Variants in KMT2E observed in about 807,000 individuals in gnomAD.
The protein encoded by KMT2E is lysine methyltransferase 2E (inactive).
A neutral mutation model predicts 184.6 loss-of-function variants in KMT2E; 30 were observed. The observed-to-expected ratio is 0.16, with a 90% CI of 0.12 to 0.22. The LOEUF (loss-of-function observed/expected upper bound fraction) is 0.22, where lower values mean the gene tolerates loss of function less well. Ranked by LOEUF, KMT2E falls within the 10% of genes least tolerant of loss-of-function variation. The pLI is 1.00. For synonymous variants in KMT2E, 815 were observed against 776.5 expected (o/e 1.05, Z -0.82); for missense variants, 2,023 against 2,237.4 (o/e 0.90, Z 1.93).
chr7:105,110,661 A>G, intron 25 of KMT2E, 59 bp downstream of exon 25: 1 of 1,608,422 alleles, frequency 6.2e-7, no homozygotes, highest in Non-Finnish European at 8.5e-7. Flanking sequence ...CAGACAAGAG[A>G]GCCTTTATAA....
chr7:105,090,611 C>T (rs1166978058), intron 14 of KMT2E, among the ~76,000 whole-genome samples: 1 of 152,148 alleles, frequency 6.6e-6, no homozygotes, highest in East Asian at 1.9e-4. Flanking sequence ...TTTCTTTAAA[C>T]ATGTGGATGC....
chr7:105,085,047 T>G (rs1797908335), intron 13 of KMT2E, among the ~76,000 whole-genome samples: 1 of 151,550 alleles, frequency 6.6e-6, no homozygotes, highest in African/African-American at 2.4e-5. Flanking sequence ...TTTTTCTTTT[T>G]TTTTTAATAT....
At chr7:105,023,271 G>A (rs1044734892) in intron 1 of KMT2E, among the ~76,000 whole-genome samples, 1 of 151,654 alleles carries the variant, frequency 6.6e-6, no homozygotes, top group African/African-American at 2.4e-5. Flanking sequence ...GCGTGGTGGC[G>A]GGCCCCTGTA....
chr7:105,043,871 G>A (rs750200875), intron 3 of KMT2E, among the ~76,000 whole-genome samples: 2 of 152,080 alleles, frequency 1.3e-5, no homozygotes, highest in Admixed American at 6.5e-5. Flanking sequence ...CAGGCAGATC[G>A]CTTGAGCCCA....
intron 3 of KMT2E, among the ~76,000 whole-genome samples, chr7:105,057,585 A>G (rs988357187): frequency 7.2e-5 from 11 of 151,980 alleles, no homozygotes; most frequent in Non-Finnish European, 7.4e-5. Flanking sequence ...GCTGAAGCCT[A>G]GGACTATAGG....
intron 3 of KMT2E, among the ~76,000 whole-genome samples, chr7:105,059,504 A>G (rs918609715): frequency 6.6e-6 from 1 of 152,246 alleles, no homozygotes; most frequent in Non-Finnish European, 1.5e-5. Flanking sequence ...CTCATGTTAT[A>G]GAAATACTAC....
chr7:105,102,453 CTACTT>C (rs1420703484), intron 17 of KMT2E: 7 of 293,932 alleles, frequency 2.4e-5, no homozygotes, highest in East Asian at 1.6e-4. Context: ...ATAAGTTTGT[CTACTT>C]TATGTACAAA....
At chr7:105,021,357 G>A (rs190581067) in intron 1 of KMT2E, among the ~76,000 whole-genome samples, 63 of 152,328 alleles carry the variant, frequency 4.1e-4, no homozygotes, top group African/African-American at 1.3e-3. Context: ...AATTTGAGTA[G>A]CTATTATTTT....
rs539835832 is a variant in KMT2E at position 105,049,278 on chromosome 7, G to T, written c.71+8255G>T. Among the ~76,000 whole-genome samples, 7 of 151,806 alleles carry T rather than the reference G, an allele frequency of 4.6e-5. No individual in the cohort carries two copies. In the South Asian group the frequency reaches 1.5e-3, roughly 32 times the overall value. On this transcript the variant is annotated intron_variant, in intron 3 of 26. Transcript: ENST00000311117. ...TTGGCAACATGATGAAACCCCATCTGTACAAAAAAAATACCATAGTTAGCC... is the reference window on the plus strand; with the variant it reads ...TTGGCAACATGATGAAACCCCATCTTTACAAAAAAAATACCATAGTTAGCC...
chr7:105,062,457 C>T (rs140612908), intron 4 of KMT2E, among the ~76,000 whole-genome samples, 179 bp downstream of exon 4: 119 of 152,178 alleles, frequency 7.8e-4, no homozygotes, highest in African/African-American at 2.6e-3. Flanking sequence ...TAAAAGTGAA[C>T]TGTTTCTCTT....
At chr7:105,088,428 T>C (rs555738694) in intron 13 of KMT2E, among the ~76,000 whole-genome samples, 6 of 152,310 alleles carry the variant, frequency 3.9e-5, no homozygotes, top group African/African-American at 1.4e-4. Flanking sequence ...AATTAGGAAG[T>C]TGGATTTGAA....
intron 22 of KMT2E, 48 bp downstream of exon 22, chr7:105,107,973 T>TTTTCATAA: frequency 7.4e-7 from 1 of 1,344,930 alleles, no homozygotes; most frequent in Non-Finnish European, 1.0e-6. Flanking sequence ...TTTTTTTTTT[T>TTTTCATAA]TTCATAATAC....
chr7:105,041,157 AGCG>A, intron 3 of KMT2E, 134 bp downstream of exon 3: 1 of 578,246 alleles, frequency 1.7e-6, no homozygotes, highest in Non-Finnish European at 3.0e-6. Flanking sequence ...AAAAAAAAAA[AGCG>A]AAGTTACCTT....
chr7:105,085,539 A>G (rs1797928164), intron 13 of KMT2E, among the ~76,000 whole-genome samples: 1 of 142,826 alleles, frequency 7.0e-6, no homozygotes, highest in Non-Finnish European at 1.6e-5. Context: ...CAATAGCAAA[A>G]CATCTCAAAA....
intron 15 of KMT2E, among the ~76,000 whole-genome samples, chr7:105,097,018 C>A (rs368502394): frequency 1.3e-5 from 2 of 152,276 alleles, no homozygotes; most frequent in African/African-American, 4.8e-5. Flanking sequence ...AACTTGTATA[C>A]CCTTGCAGTT....
At position 105,014,512 on chromosome 7, in the gene KMT2E, G is replaced by C. The variant is rs1359328928; in HGVS notation, c.-212G>C. The stretch of plus-strand genomic sequence containing the variant: ...GGGTCGAGCACATAACGGGGTTCGG[G>C]TGTCTCGTGTGTGAACATCACAGGT... On this transcript the variant is annotated 5_prime_UTR_variant, in exon 1 of 27. Transcript: ENST00000311117. 6.6e-6 allele frequency: 1 copy of C among 152,330 alleles called. No individual in the cohort carries two copies. Among genetic ancestry groups the C allele is most frequent in the East Asian group, 1.9e-4 (1 of 5,184 alleles). 9.4% of individuals were successfully genotyped at this position (152,330 alleles called of 1,614,324 possible).
chr7:105,017,531 G>A (rs1414044639), intron 1 of KMT2E, among the ~76,000 whole-genome samples: 71 of 146,514 alleles, frequency 4.8e-4, no homozygotes, highest in Non-Finnish European at 1.5e-5. Flanking sequence ...TATAAATCAC[G>A]AGGCTATAAT....
At chr7:105,067,081 AAAAG>A (rs1291146840) in intron 6 of KMT2E, among the ~76,000 whole-genome samples, 1 of 149,500 alleles carries the variant, frequency 6.7e-6, no homozygotes, top group African/African-American at 2.4e-5. Flanking sequence ...AAAAAAAAAA[AAAAG>A]AAAAAGAAAA....
intron 15 of KMT2E, among the ~76,000 whole-genome samples, chr7:105,099,070 A>G (rs948050504): frequency 2.6e-5 from 4 of 152,240 alleles, no homozygotes; most frequent in African/African-American, 9.6e-5. Context: ...ACTGTATGTA[A>G]TGGTGACTAG....
Sources: allele counts gnomAD v4.1 joint callset (sites outside exome capture counted in the v4.1 genomes callset), GRCh38; gene constraint gnomAD v4.1.1; transcripts MANE v1.5; gene names NCBI Gene and HGNC (gene_info 2026-07-23, HGNC 2026-07-21).